The following SPEF2 variants were observed in gnomAD, a reference collection of about 807,000 sequenced individuals.
SPEF2 encodes the protein sperm flagellar and cilia associated 2, also known as sperm flagella and cilia-associated protein 2.
In SPEF2, 187 loss-of-function variants were observed where a neutral mutation model predicts 224.6. The observed-to-expected ratio is 0.83, with a 90% CI of 0.74 to 0.94. SPEF2 has a LOEUF of 0.94. SPEF2 is among the 40% of genes least tolerant of loss of function. SPEF2 has a pLI of 0.00. For synonymous variants in SPEF2, 715 were observed against 707.3 expected, an observed-to-expected ratio of 1.01 and a Z score of -0.17; for missense variants, 2,170 against 2,135.6, an observed-to-expected ratio of 1.02 and a Z score of -0.32.
chr5:35,802,030 T>C (rs1757490882), intron 34 of SPEF2, among the ~76,000 whole-genome samples: 1 of 152,208 alleles, frequency 6.6e-6, no homozygotes. Context: ...GAAGGGACTC[T>C]AATTGGCCTC....
rs1755764125 is a variant in SPEF2 at position 35,790,200 on chromosome 5, A to C, written c.4448-2140A>C. 2.9e-6 allele frequency: 2 copies of C among 696,372 alleles called. 1 individual carries two copies. The highest frequency in any genetic ancestry group is 5.4e-5 in the East Asian group (2 of 37,236). 43.1% of individuals were successfully genotyped at this position (696,372 alleles called of 1,614,324 possible). A position where few individuals can be genotyped will look rare whatever the true frequency, so the allele number is the denominator to read the frequency against. Reference sequence around the variant, plus strand: ...CAAGTCACATATGCATGCAAAAATCAAGGCTGAAAGTATGACGGATGTCCT... The same window carrying C: ...CAAGTCACATATGCATGCAAAAATCCAGGCTGAAAGTATGACGGATGTCCT... On this transcript the variant is annotated intron_variant, in intron 30 of 36. Transcript: ENST00000356031.
chr5:35,704,526 A>G (rs756147215), intron 16 of SPEF2, 28 bp from the exon 17 acceptor site: 2 of 1,520,452 alleles, frequency 1.3e-6, no homozygotes, highest in East Asian at 2.3e-5. Flanking sequence ...TTTGAAAATT[A>G]TCTAATTAAA....
chr5:35,711,651 T>C (rs918440105), intron 19 of SPEF2, among the ~76,000 whole-genome samples: 6 of 139,588 alleles, frequency 4.3e-5, no homozygotes, highest in African/African-American at 1.5e-4. Context: ...CCCCCGTCTT[T>C]CTTCCAAATT....
intron 3 of SPEF2, among the ~76,000 whole-genome samples, chr5:35,642,037 T>C (rs1746683014): frequency 6.6e-6 from 1 of 152,128 alleles, no homozygotes; most frequent in African/African-American, 2.4e-5. Context: ...TAGCTGGGAC[T>C]ACAGGCCTAA....
Position 35,617,918 on chromosome 5 carries a change from A to T in SPEF2, c.-80A>T. The T allele has an allele frequency of 1.4e-6, 2 of 1,408,940 alleles. No individual in the cohort carries two copies. Among genetic ancestry groups the T allele is most frequent in the Non-Finnish European group, 2.0e-6 (2 of 1,016,386 alleles). 87.3% of individuals were successfully genotyped at this position (1,408,940 alleles called of 1,614,324 possible). ...CCATAGCAAAGGGTTGCCCTTGGCT[A>T]CAGGAGGACGCGGGCTGGCAGGCTT... On this transcript the variant is annotated 5_prime_UTR_variant, in exon 1 of 37. Coordinates refer to ENST00000356031, the MANE Select transcript of SPEF2 (RefSeq NM_024867.4).
chr5:35,765,857 G>A (rs1186301034), intron 26 of SPEF2, among the ~76,000 whole-genome samples: 1 of 151,882 alleles, frequency 6.6e-6, no homozygotes, highest in Non-Finnish European at 1.5e-5. Context: ...TTCATGAATT[G>A]TATTCTCAAA....
chr5:35,674,502 T>C (rs1436004481), intron 10 of SPEF2, among the ~76,000 whole-genome samples: 1 of 150,548 alleles, frequency 6.6e-6, no homozygotes, highest in African/African-American at 2.4e-5. Flanking sequence ...ACATTAGGTA[T>C]ATCTCCTAAT....
chr5:35,701,035 A>G (rs6868260), intron 16 of SPEF2, among the ~76,000 whole-genome samples: 82,024 of 151,934 alleles, frequency 0.54, 22,584 homozygotes, highest in African/African-American at 0.57. Context: ...TTTTTGAGAC[A>G]TGCACTTATG....
In SPEF2 at chr5:35,670,130, CCT is replaced by C; in HGVS notation, c.1430_1431del (p.Ser477CysfsTer2). 1 of 1,612,134 alleles carries C rather than the reference CCT, an allele frequency of 6.2e-7. No individual in the cohort carries two copies. Among genetic ancestry groups the C allele is most frequent in the Non-Finnish European group, 8.5e-7 (1 of 1,178,904 alleles). On this transcript the variant is annotated frameshift_variant, in exon 10 of 37. Coordinates refer to ENST00000356031, the MANE Select transcript of SPEF2 (RefSeq NM_024867.4). LOFTEE classifies it high-confidence loss of function. The stretch of plus-strand genomic sequence containing the variant: ...AATGCAAAACCCATATATGAACAAG[CCT>C]CTGTTAAGACACTACCTGCTAACCC...
chr5:35,775,404 GA>G (rs1450580029), intron 28 of SPEF2, among the ~76,000 whole-genome samples: 1 of 152,148 alleles, frequency 6.6e-6, no homozygotes, highest in Non-Finnish European at 1.5e-5. Flanking sequence ...TGAGAATGAA[GA>G]GGAGTATTAC....
intron 4 of SPEF2, 125 bp downstream of exon 4, chr5:35,644,650 T>A: frequency 4.7e-6 from 3 of 640,458 alleles, no homozygotes; most frequent in Non-Finnish European, 7.4e-6. Flanking sequence ...TGCATGACTT[T>A]GTCCTGCCCT....
intron 2 of SPEF2, among the ~76,000 whole-genome samples, chr5:35,629,851 C>T (rs1296390113): frequency 2.0e-5 from 3 of 152,100 alleles, no homozygotes; most frequent in East Asian, 3.9e-4. Context: ...CAAGGTTCAC[C>T]CATGTTAGCA....
At position 35,690,445 on chromosome 5, in the gene SPEF2, T is replaced by A. The variant is rs1450112489; in HGVS notation, c.1525-592T>A. 2.0e-5 allele frequency among the ~76,000 whole-genome samples: 3 copies of A among 152,196 alleles called. No individual in the cohort carries two copies. In the East Asian group the frequency reaches 5.8e-4, roughly 29 times the overall value. The stretch of plus-strand genomic sequence containing the variant: ...AATTTACTCTTTCATACAAGAATTA[T>A]TTTTAAAGAATGCTTTTCCTTTTAA... On this transcript the variant is annotated intron_variant, in intron 10 of 36. Coordinates refer to ENST00000356031, the MANE Select transcript of SPEF2 (RefSeq NM_024867.4).
chr5:35,662,749 C>T (rs1749919483), intron 8 of SPEF2, among the ~76,000 whole-genome samples: 1 of 151,976 alleles, frequency 6.6e-6, no homozygotes, highest in Non-Finnish European at 1.5e-5. Flanking sequence ...GGTGTGTGGT[C>T]TTATTTCTGG....
chr5:35,671,486 TAATGCCATGTAAGAA>T (rs57944155), intron 10 of SPEF2: 58,366 of 978,040 alleles, frequency 0.06, 3,236 homozygotes, highest in African/African-American at 0.26. Context: ...ACCTAAAGTA[TAATGCCATGTAAGAA>T]AATGCTTTGA....
chr5:35,807,556 G>A, intron 36 of SPEF2: 1 of 1,271,226 alleles, frequency 7.9e-7, no homozygotes, highest in Non-Finnish European at 1.1e-6. Context: ...TGGAGAATAA[G>A]ATTCCTCCTG....
intron 24 of SPEF2, 115 bp downstream of exon 24, chr5:35,753,876 A>G (rs1172954627): frequency 1.6e-6 from 2 of 1,287,862 alleles, no homozygotes; most frequent in East Asian, 2.3e-5. Context: ...TCATTTTGGT[A>G]TAGCACTATG....
rs1758143303 is a variant in SPEF2, at chr5:35,806,966, T to C, written c.5256+14T>C. On this transcript the variant is annotated intron_variant, in intron 35 of 36. Coordinates refer to ENST00000356031, the MANE Select transcript of SPEF2 (RefSeq NM_024867.4). The stretch of plus-strand genomic sequence containing the variant: ...ATTTATGCAGAGGTTGGTTAAATTA[T>C]TTTGAAAAAAGTTGGCCTCAATTCT... 1 of 1,584,068 alleles carries C rather than the reference T, an allele frequency of 6.3e-7. No individual in the cohort carries two copies. The highest frequency in any genetic ancestry group is 8.6e-7 in the Non-Finnish European group (1 of 1,168,614).
chr5:35,814,400 T>C, intron 36 of SPEF2, 64 bp from the exon 37 acceptor site: 1 of 862,738 alleles, frequency 1.2e-6, no homozygotes, highest in Non-Finnish European at 1.8e-6. Flanking sequence ...TTAGTATTTG[T>C]ATAGTATAGT....
Sources: gnomAD v4.1 joint callset for allele counts (sites outside exome capture counted in the v4.1 genomes callset) on GRCh38, gnomAD v4.1.1 for gene constraint, MANE v1.5 for transcripts, NCBI Gene and HGNC (gene_info 2026-07-23, HGNC 2026-07-21) for gene names.